The following FBXO25 variants were observed in gnomAD, a reference collection of about 807,000 sequenced individuals.
FBXO25 encodes F-box protein 25.
FBXO25 carries 45 observed loss-of-function variants against 51.9 expected under a neutral mutation model. The ratio of observed to expected loss-of-function variants is 0.87; its 90% confidence interval spans 0.68 to 1.11. The LOEUF is 1.11. FBXO25 is among the 50% of genes most tolerant of loss of function. The probability of loss-of-function intolerance (pLI) is 0.00; values close to 1 mark genes in which losing one functional copy is unlikely to be tolerated. For missense variants in FBXO25, 507 were observed against 428.5 expected, an observed-to-expected ratio of 1.18 and a Z score of -1.62; for synonymous variants, 199 against 151.0, an observed-to-expected ratio of 1.32 and a Z score of -2.33.
chr8:407,420 G>T (rs1796222247), intron 1 of FBXO25: 1 of 984,866 alleles, frequency 1.0e-6, no homozygotes, highest in East Asian at 1.2e-4. Context: ...GTCAGGTGGG[G>T]TCTGGGGGCG....
At chr8:442,077 G>C (rs528185226) in intron 5 of FBXO25, among the ~76,000 whole-genome samples, 28 of 152,230 alleles carry the variant, frequency 1.8e-4, no homozygotes, top group African/African-American at 5.8e-4. Context: ...AGATCATATT[G>C]CTAATCAGGC....
intron 5 of FBXO25, among the ~76,000 whole-genome samples, chr8:440,008 A>G (rs965809394): frequency 1.3e-5 from 2 of 152,210 alleles, no homozygotes; most frequent in African/African-American, 2.4e-5. Context: ...TGACTACTCC[A>G]TAGTAGCAAC....
At chr8:417,361 T>A (rs1367297558) in intron 2 of FBXO25, among the ~76,000 whole-genome samples, 2 of 152,162 alleles carry the variant, frequency 1.3e-5, no homozygotes, top group African/African-American at 4.8e-5. Flanking sequence ...CTTAAGAGGG[T>A]TGGGTTAACC....
intron 2 of FBXO25, among the ~76,000 whole-genome samples, chr8:428,021 T>C (rs1428077166): frequency 6.6e-6 from 1 of 152,184 alleles, no homozygotes; most frequent in South Asian, 2.1e-4. Flanking sequence ...GCAAATCTTA[T>C]TATAGGTCAT....
chr8:457,409 C>T (rs1799515124), intron 7 of FBXO25, among the ~76,000 whole-genome samples: 2 of 152,210 alleles, frequency 1.3e-5, no homozygotes, highest in South Asian at 2.1e-4. Flanking sequence ...CCAAGGACAG[C>T]CACCCTTCCT....
chr8:422,148 A>G (rs115420836), intron 2 of FBXO25, among the ~76,000 whole-genome samples: 2,175 of 152,306 alleles, frequency 0.014, 48 homozygotes, highest in African/African-American at 0.049. Flanking sequence ...ATATCTGCCA[A>G]GTCTCCCCCC....
At chr8:439,213 T>G (rs1346452257) in intron 5 of FBXO25, among the ~76,000 whole-genome samples, 2 of 152,140 alleles carry the variant, frequency 1.3e-5, no homozygotes, top group Non-Finnish European at 2.9e-5. Context: ...TGGGCTTGCT[T>G]ATAGCACTGA....
At chr8:440,317 C>G (rs1228953720) in intron 5 of FBXO25, among the ~76,000 whole-genome samples, 3 of 152,210 alleles carry the variant, frequency 2.0e-5, no homozygotes, top group African/African-American at 7.2e-5. Context: ...GTGTTAGCCA[C>G]TATTTTGATT....
chr8:432,293 C>T (rs1195107162), intron 3 of FBXO25, among the ~76,000 whole-genome samples: 6 of 151,986 alleles, frequency 3.9e-5, no homozygotes, highest in African/African-American at 7.2e-5. Context: ...CAGAGCAGGA[C>T]GGTGTGAGAT....
chr8:430,264 A>G (rs575312173), intron 2 of FBXO25, among the ~76,000 whole-genome samples: 2 of 152,374 alleles, frequency 1.3e-5, no homozygotes, highest in Admixed American at 1.3e-4. Flanking sequence ...GTAAGACTAA[A>G]TACAAAATAC....
rs1042448943 is a variant in FBXO25, at chr8:473,520, G to A, written c.*4716G>A. 2 of 152,230 alleles carry A rather than the reference G, an allele frequency of 1.3e-5. No individual in the cohort carries two copies. Among genetic ancestry groups the A allele is most frequent in the African/African-American group, 4.8e-5 (2 of 41,442 alleles). 9.4% of individuals were successfully genotyped at this position (152,230 alleles called of 1,614,324 possible). A position where few individuals can be genotyped will look rare whatever the true frequency, so the allele number is the denominator to read the frequency against. On this transcript the variant is annotated 3_prime_UTR_variant, in exon 10 of 10. Transcript: ENST00000350302. ...GCTTTTCACGTGAATGCCTAGGAGA[G>A]GCTGTTAACCCTCCTAGTTGTCCTT... is the stretch of plus-strand genomic sequence containing the variant.
intron 7 of FBXO25, among the ~76,000 whole-genome samples, chr8:455,774 G>A (rs1321832994): frequency 6.6e-6 from 1 of 152,214 alleles, no homozygotes; most frequent in Admixed American, 6.5e-5. Context: ...CAGAGAGCAT[G>A]TAGCTAATCA....
chr8:462,662 A>G (rs892702579), intron 8 of FBXO25, among the ~76,000 whole-genome samples: 6 of 151,968 alleles, frequency 3.9e-5, no homozygotes, highest in Non-Finnish European at 7.4e-5. Context: ...ACCAAATATC[A>G]TATGTTCTCA....
At chr8:443,347 C>A (rs1798541892) in intron 5 of FBXO25, among the ~76,000 whole-genome samples, 1 of 150,574 alleles carries the variant, frequency 6.6e-6, no homozygotes, top group African/African-American at 2.5e-5. Flanking sequence ...CTTTAATTCT[C>A]ACCATATTTA....
intron 4 of FBXO25, 87 bp from the exon 5 acceptor site, chr8:435,528 A>T (rs991772963): frequency 5.2e-5 from 72 of 1,377,126 alleles, no homozygotes; most frequent in Non-Finnish European, 6.3e-5. Context: ...TTTGCCAAAA[A>T]TTTTTTTAAT....
Position 476,248 on chromosome 8 carries a change from C to A in FBXO25, c.*7444C>A, listed in dbSNP as rs908677852. 2 of 152,080 alleles carry A rather than the reference C, an allele frequency of 1.3e-5. No homozygotes were observed. The highest frequency in any genetic ancestry group is 2.9e-5 in the Non-Finnish European group (2 of 68,012). The allele number at this position is 152,080 out of a possible 1,614,324, so 9.4% of individuals were successfully genotyped here. A position where few individuals can be genotyped will look rare whatever the true frequency, so the allele number is the denominator to read the frequency against. ...CCATGATGTGTAATCCTTTCAATGT[C>A]CCACTGAATCCTGTTGGCCAGTATT... is the stretch of plus-strand genomic sequence containing the variant. On this transcript the variant is annotated 3_prime_UTR_variant, in exon 10 of 10. Coordinates refer to ENST00000350302, the MANE Select transcript of FBXO25 (RefSeq NM_183420.2).
intron 2 of FBXO25, among the ~76,000 whole-genome samples, chr8:430,703 T>C (rs1797774205): frequency 1.3e-5 from 2 of 152,226 alleles, no homozygotes; most frequent in Admixed American, 6.5e-5. Flanking sequence ...TACAGGTGTT[T>C]TTTTAAAAAG....
At chr8:457,041 G>C (rs1799486521) in intron 7 of FBXO25, among the ~76,000 whole-genome samples, 1 of 152,196 alleles carries the variant, frequency 6.6e-6, no homozygotes, top group Non-Finnish European at 1.5e-5. Flanking sequence ...TAGGATTATA[G>C]AAAGCCACGA....
In FBXO25 at chr8:477,437, G is replaced by C. The variant is rs779107215; in HGVS notation, c.*8633G>C. The C allele has an allele frequency of 6.6e-6, 1 of 152,230 alleles. No homozygotes were observed. Among genetic ancestry groups the C allele is most frequent in the Non-Finnish European group, 1.5e-5 (1 of 68,050 alleles). The allele number at this position is 152,230 out of a possible 1,614,324, so 9.4% of individuals were successfully genotyped here. ...GTTTGTTTCATATATTTTGGGCTCT[G>C]ATGTTTGGTGCATATATATTACATC... is the stretch of plus-strand genomic sequence containing the variant. On this transcript the variant is annotated 3_prime_UTR_variant, in exon 10 of 10. Transcript: ENST00000350302.
Sources: gnomAD v4.1 joint callset for allele counts (sites outside exome capture counted in the v4.1 genomes callset) on GRCh38, gnomAD v4.1.1 for gene constraint, MANE v1.5 for transcripts, NCBI Gene and HGNC (gene_info 2026-07-23, HGNC 2026-07-21) for gene names.